PARG: variants seen among roughly 807,000 people sequenced by gnomAD.
The protein encoded by PARG is poly(ADP-ribose) glycohydrolase.
Under a neutral mutation model 113.0 loss-of-function variants are expected in PARG, and 35 were observed. The ratio of observed to expected loss-of-function variants is 0.31; its 90% CI spans 0.24 to 0.41. The LOEUF is 0.41. Among genes scored for constraint, PARG ranks in the 10% least tolerant of loss-of-function variants. PARG has a pLI of 1.00. For missense variants in PARG, 797 were observed against 1,169.4 expected, an observed-to-expected ratio of 0.68 and a Z score of 4.64; for synonymous variants, 330 against 409.9, an observed-to-expected ratio of 0.81 and a Z score of 2.36.
At position 49,836,307 on chromosome 10, in the gene PARG, CTT is replaced by C. The variant is rs1168567519; in HGVS notation, c.2542-3401_2542-3400del. On this transcript the variant is annotated intron_variant, in intron 15 of 17. Transcript: ENST00000616448. ...TTTAGTATTCTCTGATTTCTTACGACTTTTTTTTTTTTTTTTTTTTTTTTTTT... is the reference window on the plus strand; with the variant it reads ...TTTAGTATTCTCTGATTTCTTACGACTTTTTTTTTTTTTTTTTTTTTTTTT... Among the ~76,000 whole-genome samples the C allele has an allele frequency of 3.0e-3, 143 of 47,992 alleles. 1 individual carries two copies. Among genetic ancestry groups the C allele is most frequent in the African/African-American group, 0.01 (131 of 13,050 alleles). 31.5% of individuals were successfully genotyped at this position (47,992 alleles called of 152,430 possible). A position where few individuals can be genotyped will look rare whatever the true frequency, so the allele number is the denominator to read the frequency against.
intron 8 of PARG, 94 bp downstream of exon 8, chr10:49,885,109 T>C: frequency 1.3e-6 from 1 of 779,698 alleles, no homozygotes; most frequent in Non-Finnish European, 2.4e-6. Flanking sequence ...TCTCTGTCTC[T>C]CTCTCTCTCT....
chr10:49,843,970 C>T (rs1367607820), intron 13 of PARG, among the ~76,000 whole-genome samples: 2 of 151,382 alleles, frequency 1.3e-5, no homozygotes, highest in Non-Finnish European at 2.9e-5. Flanking sequence ...CATGGTGAAA[C>T]CCCACCTCTG....
chr10:49,832,777 T>G, intron 16 of PARG, 26 bp downstream of exon 16: 1 of 1,374,020 alleles, frequency 7.3e-7, no homozygotes, highest in Non-Finnish European at 1.0e-6. Context: ...GGCAGAATGC[T>G]TTTATCCTTT....
chr10:49,928,789 G>A (rs1554851324), intron 4 of PARG, among the ~76,000 whole-genome samples: 1 of 152,208 alleles, frequency 6.6e-6, no homozygotes, highest in African/African-American at 2.4e-5. Flanking sequence ...ACAGGTGTGA[G>A]CTATCATGCC....
intron 15 of PARG, among the ~76,000 whole-genome samples, chr10:49,835,588 A>G (rs1484103202): frequency 2.6e-5 from 4 of 152,060 alleles, no homozygotes; most frequent in Non-Finnish European, 5.9e-5. Flanking sequence ...GTTAAAAACT[A>G]GAGACCAACC....
intron 7 of PARG, among the ~76,000 whole-genome samples, chr10:49,906,803 A>C (rs1252502663): frequency 1.3e-5 from 2 of 152,206 alleles, no homozygotes; most frequent in Non-Finnish European, 1.5e-5. Context: ...TACAGGGAGG[A>C]TCTTGTAGAA....
In PARG at chr10:49,819,470, C is replaced by G; in HGVS notation, c.2801G>C (p.Arg934Pro). 1 of 1,551,310 alleles carries G rather than the reference C, an allele frequency of 6.4e-7. No individual in the cohort carries two copies. Among genetic ancestry groups the G allele is most frequent in the Non-Finnish European group, 8.7e-7 (1 of 1,146,698 alleles). Residue 934 changes from arginine (R) to proline (P), a missense_variant, in exon 18 of 18, where the codon CGA becomes CCA. Physicochemically the swap from Arg to Pro is moderately radical, Grantham distance 103. Coordinates refer to ENST00000616448, the MANE Select transcript of PARG (RefSeq NM_003631.5). ...TVGDVYKLLLRYYNEECRNCS... is the reference protein window; with the variant it reads ...TVGDVYKLLLPYYNEECRNCS... ...GTTTCTGCATTCTTCATTGTAGTATCGTAGCAACAGCTTATACACATCTCC... is the reference window on the plus strand; with the variant it reads ...GTTTCTGCATTCTTCATTGTAGTATGGTAGCAACAGCTTATACACATCTCC...
intron 7 of PARG, chr10:49,909,472 C>T (rs1244676657): frequency 2.2e-4 from 33 of 152,280 alleles, no homozygotes; most frequent in African/African-American, 6.7e-4. Context: ...TTTAGCTAAA[C>T]ACAGGTATAA....
At chr10:49,928,463 T>A (rs1204916663) in intron 4 of PARG, among the ~76,000 whole-genome samples, 1 of 152,190 alleles carries the variant, frequency 6.6e-6, no homozygotes, top group African/African-American at 2.4e-5. Flanking sequence ...TGTGTTTGCA[T>A]GCACGCACGT....
chr10:49,837,596 T>C (rs1845006818), intron 15 of PARG, among the ~76,000 whole-genome samples: 1 of 152,240 alleles, frequency 6.6e-6, no homozygotes, highest in Admixed American at 6.5e-5. Context: ...TAAATGTAAC[T>C]AGTAAGGGAC....
chr10:49,857,581 C>T, intron 12 of PARG, 128 bp from the exon 13 acceptor site: 2 of 595,134 alleles, frequency 3.4e-6, no homozygotes, highest in Non-Finnish European at 6.1e-6. Context: ...AAGTAATCTT[C>T]CCAGGAAGGG....
chr10:49,888,182 C>G (rs575788168), intron 7 of PARG, among the ~76,000 whole-genome samples: 1 of 152,094 alleles, frequency 6.6e-6, no homozygotes, highest in African/African-American at 2.4e-5. Flanking sequence ...TTATAATCTT[C>G]AATATTTCCT....
intron 7 of PARG, among the ~76,000 whole-genome samples, chr10:49,914,164 G>T (rs1320720543): frequency 2.0e-5 from 3 of 152,116 alleles, no homozygotes; most frequent in African/African-American, 4.8e-5. Flanking sequence ...GGTGACAGAG[G>T]TATTGTAACC....
At chr10:49,937,249 G>A (rs1315104203) in intron 1 of PARG, among the ~76,000 whole-genome samples, 6 of 152,212 alleles carry the variant, frequency 3.9e-5, no homozygotes, top group African/African-American at 1.2e-4. Flanking sequence ...GGACGAGGCA[G>A]GCGGATCACA....
intron 10 of PARG, among the ~76,000 whole-genome samples, chr10:49,866,452 C>T (rs1441352549): frequency 1.3e-4 from 19 of 151,940 alleles, no homozygotes; most frequent in East Asian, 7.7e-4. Flanking sequence ...ATGGGTCTTA[C>T]GTCTTTTAGA....
chr10:49,886,965 C>T (rs533475492), intron 7 of PARG, among the ~76,000 whole-genome samples: 1 of 152,022 alleles, frequency 6.6e-6, no homozygotes, highest in Non-Finnish European at 1.5e-5. Context: ...ACTGGCTTCT[C>T]TATATCTGAA....
At chr10:49,918,491 C>A (rs1218919059) in intron 6 of PARG, among the ~76,000 whole-genome samples, 1 of 152,176 alleles carries the variant, frequency 6.6e-6, no homozygotes, top group Non-Finnish European at 1.5e-5. Flanking sequence ...GAGTTATCAA[C>A]GACTGAATAA....
chr10:49,914,952 A>G (rs1489786414), intron 7 of PARG, among the ~76,000 whole-genome samples: 1 of 152,214 alleles, frequency 6.6e-6, no homozygotes, highest in Non-Finnish European at 1.5e-5. Flanking sequence ...GGATATTCAC[A>G]TGGAAAATAA....
At chr10:49,854,682 C>T (rs1369199940) in intron 13 of PARG, among the ~76,000 whole-genome samples, 1 of 141,280 alleles carries the variant, frequency 7.1e-6, no homozygotes, top group Non-Finnish European at 1.5e-5. Context: ...CCTGCACATA[C>T]AGCCCTTCAA....
Sources: gnomAD v4.1 joint callset for allele counts (sites outside exome capture counted in the v4.1 genomes callset) on GRCh38, gnomAD v4.1.1 for gene constraint, MANE v1.5 for transcripts, NCBI Gene and HGNC (gene_info 2026-07-23, HGNC 2026-07-21) for gene names.